The following DCTN5 variants were observed in gnomAD, a reference collection of about 807,000 sequenced individuals.
DCTN5 encodes dynactin 4.
In DCTN5, 14 loss-of-function variants were observed where a neutral mutation model predicts 23.5. The observed-to-expected ratio is 0.60, with a 90% confidence interval of 0.39 to 0.93. The LOEUF (loss-of-function observed/expected upper bound fraction) is 0.93, where lower values mean the gene tolerates loss of function less well. Among genes scored for constraint, DCTN5 ranks in the 40% least tolerant of loss-of-function variants. The pLI is 0.00. For synonymous variants in DCTN5, 67 were observed against 79.6 expected, an observed-to-expected ratio of 0.84 and a Z score of 0.84; for missense variants, 156 against 225.9, an observed-to-expected ratio of 0.69 and a Z score of 1.98.
At chr16:23,646,657 A>T (rs1429767889) in intron 2 of DCTN5, among the ~76,000 whole-genome samples, 1 of 151,480 alleles carries the variant, frequency 6.6e-6, no homozygotes, top group African/African-American at 2.4e-5. Context: ...GCTCACTGCA[A>T]CCTCCGCCTC....
chr16:23,655,742 G>C (rs1055026864), intron 2 of DCTN5, among the ~76,000 whole-genome samples: 7 of 151,960 alleles, frequency 4.6e-5, no homozygotes, highest in Non-Finnish European at 1.0e-4. Context: ...ATAGGGTTTT[G>C]CCATGTTTCC....
chr16:23,657,850 T>A (rs1360262518), intron 2 of DCTN5, among the ~76,000 whole-genome samples: 1 of 152,250 alleles, frequency 6.6e-6, no homozygotes, highest in Non-Finnish European at 1.5e-5. Context: ...TCTACTTGCA[T>A]GTCCCTTGCT....
In DCTN5 at chr16:23,671,609, G is replaced by A. The variant is rs1968008859; in HGVS notation, c.*4465G>A. ...AATGCCACACATCTAATAAATGGCT[G>A]AGCTGGAATCAAGGCCAGCTCTTAC... is the stretch of plus-strand genomic sequence containing the variant. On this transcript the variant is annotated 3_prime_UTR_variant, in exon 6 of 6. Transcript: ENST00000300087. 4.6e-5 allele frequency: 7 copies of A among 152,214 alleles called. No individual in the cohort carries two copies. The highest frequency in any genetic ancestry group is 4.6e-4 in the Admixed American group (7 of 15,280). The allele number at this position is 152,214 out of a possible 1,614,324, so 9.4% of individuals were successfully genotyped here.
At chr16:23,648,269 TC>T (rs1382168571) in intron 2 of DCTN5, among the ~76,000 whole-genome samples, 5 of 150,816 alleles carry the variant, frequency 3.3e-5, no homozygotes, top group Non-Finnish European at 7.4e-5. Flanking sequence ...CAGGCGAACC[TC>T]CCACCTCAGC....
intron 2 of DCTN5, among the ~76,000 whole-genome samples, chr16:23,645,108 TATATATATATATATATA>T (rs1967409999): frequency 2.9e-5 from 1 of 34,690 alleles, no homozygotes; most frequent in Non-Finnish European, 5.5e-5. Context: ...TATATATATA[TATATATATATATATATA>T]TATATATATA....
intron 5 of DCTN5, 113 bp from the exon 6 acceptor site, chr16:23,666,934 T>G (rs921212564): frequency 2.6e-6 from 4 of 1,511,212 alleles, no homozygotes; most frequent in Non-Finnish European, 1.8e-6. Flanking sequence ...AGCGATTATT[T>G]AAGTGATTGT....
chr16:23,664,024 A>T (rs1218622486), intron 4 of DCTN5, among the ~76,000 whole-genome samples: 3 of 152,150 alleles, frequency 2.0e-5, no homozygotes, highest in East Asian at 3.9e-4. Flanking sequence ...TATGTAGCAC[A>T]TTGGGTGTCC....
intron 3 of DCTN5, 94 bp from the exon 4 acceptor site, chr16:23,661,076 G>A (rs945271885): frequency 1.9e-5 from 14 of 748,480 alleles, no homozygotes; most frequent in Non-Finnish European, 2.8e-5. Context: ...TTGCTAAGAT[G>A]ATAAAGTTCA....
chr16:23,662,743 G>T (rs1292083055), intron 4 of DCTN5, among the ~76,000 whole-genome samples: 1 of 152,224 alleles, frequency 6.6e-6, no homozygotes, highest in Non-Finnish European at 1.5e-5. Context: ...CTAATTGCTT[G>T]ACAAAAGCTA....
chr16:23,665,444 A>C (rs955653594), intron 4 of DCTN5, among the ~76,000 whole-genome samples, 182 bp from the exon 5 acceptor site: 15 of 152,210 alleles, frequency 9.9e-5, no homozygotes, highest in Non-Finnish European at 1.9e-4. Context: ...AATGTACACA[A>C]ACACACACTC....
chr16:23,663,138 G>C (rs1241228791), intron 4 of DCTN5, among the ~76,000 whole-genome samples: 1 of 152,180 alleles, frequency 6.6e-6, no homozygotes, highest in Non-Finnish European at 1.5e-5. Flanking sequence ...TTTCCGTTTG[G>C]ATATGTGAAG....
intron 2 of DCTN5, among the ~76,000 whole-genome samples, chr16:23,647,655 G>A (rs249856): frequency 0.19 from 29,274 of 151,376 alleles, 3,145 homozygotes; most frequent in East Asian, 0.43. Flanking sequence ...TTACAGTTGC[G>A]TGCCTCCATG....
intron 5 of DCTN5, chr16:23,665,942 A>C: frequency 1.8e-6 from 1 of 554,676 alleles, no homozygotes; most frequent in Non-Finnish European, 3.2e-6. Context: ...TAAGGAAATT[A>C]TGAAGGGCCA....
rs776583850 is a variant in DCTN5, at chr16:23,658,501, T to C, written c.118-6T>C. 1.4e-5 allele frequency: 23 copies of C among 1,609,608 alleles called. No homozygotes were observed. The highest frequency in any genetic ancestry group is 1.8e-5 in the Non-Finnish European group (21 of 1,175,924). ...CTAATTTTTTAAAATTTGCTTCGTC[T>C]TACAGACCATTGTGATGAATGACTG... On this transcript the variant is annotated splice_region_variant and splice_polypyrimidine_tract_variant and intron_variant, in intron 2 of 5. Transcript: ENST00000300087.
chr16:23,651,995 A>G (rs887671580), intron 2 of DCTN5, among the ~76,000 whole-genome samples: 3 of 152,216 alleles, frequency 2.0e-5, no homozygotes, highest in African/African-American at 7.2e-5. Context: ...AGATCACACC[A>G]CTGTGCCCCA....
At position 23,661,202 on chromosome 16, in the gene DCTN5, A is replaced by T; in HGVS notation, c.269A>T (p.His90Leu). 2.5e-6 allele frequency: 4 copies of T among 1,613,108 alleles called. No individual in the cohort carries two copies. The highest frequency in any genetic ancestry group is 3.4e-6 in the Non-Finnish European group (4 of 1,179,580). ...VAFFPLHIGD[H>L]VFIEEDCVVN... is the part of the protein sequence containing the mutation. ...TTCTTTCCTTTACATATTGGAGACC[A>T]TGTCTTTATTGAGGAAGATTGTGTG... The change falls in exon 4 of 6, where the codon CAT (histidine) becomes CTT (leucine). Residue 90 changes from histidine to leucine, a missense_variant. By Grantham distance (99) the His-to-Leu change is moderately conservative. Around this residue, in one of 2 missense-constraint regions of DCTN5, gnomAD observed 153 missense variants for 206.8 expected, o/e 0.74. Transcript: ENST00000300087.
chr16:23,676,524 TCCAGCCTGGGTGA>T lies in DCTN5; in HGVS notation c.*9382_*9394del, dbSNP rs1254847129. 5 of 152,294 alleles carry T rather than the reference TCCAGCCTGGGTGA, an allele frequency of 3.3e-5. No homozygotes were observed. The East Asian group carries it at 9.7e-4, about 29-fold the overall frequency. The allele number at this position is 152,294 out of a possible 1,614,324, so 9.4% of individuals were successfully genotyped here. The stretch of plus-strand genomic sequence containing the variant: ...GTGAGCCAAGATCACGCCACTGCAC[TCCAGCCTGGGTGA>T]CAGAGCAAGACTCCATCTCAACAAC... On this transcript the variant is annotated 3_prime_UTR_variant, in exon 6 of 6. Coordinates refer to ENST00000300087, the MANE Select transcript of DCTN5 (RefSeq NM_032486.4).
At position 23,674,955 on chromosome 16, in the gene DCTN5, C is replaced by G. The variant is rs546089581; in HGVS notation, c.*7811C>G. On this transcript the variant is annotated 3_prime_UTR_variant, in exon 6 of 6. Coordinates refer to ENST00000300087, the MANE Select transcript of DCTN5 (RefSeq NM_032486.4). ...CTGGGTGTCTGTGTCCTAATCTTCT[C>G]TTTTAATAAGGATACCACTCAGGTT... 22 of 152,158 alleles carry G rather than the reference C, an allele frequency of 1.4e-4. 1 individual carries two copies. Among genetic ancestry groups the G allele is most frequent in the Admixed American group, 1.4e-3 (22 of 15,280 alleles). The allele number at this position is 152,158 out of a possible 1,614,324, so 9.4% of individuals were successfully genotyped here. A position where few individuals can be genotyped will look rare whatever the true frequency, so the allele number is the denominator to read the frequency against.
At chr16:23,651,158 C>G (rs186305175) in intron 2 of DCTN5, 1 of 1,166,456 alleles carries the variant, frequency 8.6e-7, no homozygotes, top group Admixed American at 4.0e-5. Flanking sequence ...TACAGGTTTG[C>G]AAGTATAGTC....
Sources: allele counts gnomAD v4.1 joint callset (sites outside exome capture counted in the v4.1 genomes callset), GRCh38; gene constraint gnomAD v4.1.1; regional missense constraint gnomAD v4.1.1; transcripts MANE v1.5; gene names NCBI Gene and HGNC (gene_info 2026-07-23, HGNC 2026-07-21).